KIF5C: variants seen among roughly 807,000 people sequenced by gnomAD.
KIF5C encodes kinesin heavy chain isoform 5C.
KIF5C carries 18 observed loss-of-function variants against 125.2 expected under a neutral mutation model. The observed-to-expected ratio is 0.14, with a 90% CI of 0.10 to 0.21. KIF5C has a LOEUF of 0.21. Among genes scored for constraint, KIF5C ranks in the 10% least tolerant of loss-of-function variants. The pLI is 1.00. For synonymous variants in KIF5C, 405 were observed against 434.0 expected (o/e 0.93, Z 0.83); for missense variants, 780 against 1,183.8 (o/e 0.66, Z 5.01).
At chr2:148,945,180 G>C (rs1574774454) in intron 7 of KIF5C, among the ~76,000 whole-genome samples, 1 of 151,968 alleles carries the variant, frequency 6.6e-6, no homozygotes, top group South Asian at 2.1e-4. Context: ...CTTGTGCTTT[G>C]GGTGTCATAT....
At chr2:149,017,019 CAG>C (rs1162379625) in intron 25 of KIF5C, among the ~76,000 whole-genome samples, 6 of 152,108 alleles carry the variant, frequency 3.9e-5, no homozygotes, top group Admixed American at 2.6e-4. Flanking sequence ...AAGATGATGA[CAG>C]AGACTGGGTG....
At chr2:148,890,002 T>G (rs547737446) in intron 1 of KIF5C, among the ~76,000 whole-genome samples, 6 of 152,220 alleles carry the variant, frequency 3.9e-5, no homozygotes, top group Non-Finnish European at 7.3e-5. Flanking sequence ...ACAAAATTTA[T>G]TTTGAGTACA....
chr2:148,877,432 T>C (rs1681223968), intron 1 of KIF5C: 1 of 152,252 alleles, frequency 6.6e-6, no homozygotes, highest in South Asian at 2.1e-4. Flanking sequence ...AGGAAGGAAA[T>C]TCTGCAGTTA....
chr2:149,015,431 A>G (rs4076261), intron 25 of KIF5C, among the ~76,000 whole-genome samples: 76,582 of 151,982 alleles, frequency 0.5, 21,476 homozygotes, highest in Non-Finnish European at 0.62. Context: ...ATTCTGAAGT[A>G]TCTCTTCCCT....
At chr2:148,977,475 C>G (rs1681108615) in intron 12 of KIF5C, among the ~76,000 whole-genome samples, 1 of 152,192 alleles carries the variant, frequency 6.6e-6, no homozygotes, top group African/African-American at 2.4e-5. Context: ...GGAACATAAA[C>G]ACAAAATCGT....
At chr2:148,883,496 G>T (rs1230534645) in intron 1 of KIF5C, 1 of 150,572 alleles carries the variant, frequency 6.6e-6, no homozygotes, top group Non-Finnish European at 1.5e-5. Context: ...ACGAGACTCT[G>T]TCTCAAAAAA....
Position 148,956,146 on chromosome 2 carries a change from C to T in KIF5C, c.968+5684C>T, listed in dbSNP as rs912514553. On this transcript the variant is annotated intron_variant, in intron 10 of 25. Transcript: ENST00000435030. The stretch of plus-strand genomic sequence containing the variant: ...ACTCAAGGAGGGCTTCGTTCAAGTG[C>T]CAACTTACGAGGGTGCCTTCAGTGT... Among the ~76,000 whole-genome samples, 2 of 152,124 alleles carry T rather than the reference C, an allele frequency of 1.3e-5. 1 individual carries two copies. Among genetic ancestry groups the T allele is most frequent in the African/African-American group, 4.8e-5 (2 of 41,430 alleles).
intron 13 of KIF5C, 108 bp from the exon 14 acceptor site, chr2:148,981,247 A>G: frequency 7.0e-7 from 1 of 1,431,740 alleles, no homozygotes. Context: ...AACTTTTTCA[A>G]CTTGTTTTCT....
intron 1 of KIF5C, among the ~76,000 whole-genome samples, chr2:148,883,328 T>A (rs549466644): frequency 6.6e-6 from 1 of 152,016 alleles, no homozygotes; most frequent in Non-Finnish European, 1.5e-5. Flanking sequence ...GGTGAAACCC[T>A]GTCTCTACTA....
chr2:148,914,824 C>T (rs1209947773), intron 1 of KIF5C, among the ~76,000 whole-genome samples: 4 of 152,222 alleles, frequency 2.6e-5, no homozygotes, highest in Non-Finnish European at 5.9e-5. Flanking sequence ...AGCGTCATCC[C>T]ATGTAGACTG....
At chr2:149,002,371 C>T (rs1056780502) in intron 21 of KIF5C, among the ~76,000 whole-genome samples, 19 of 152,142 alleles carry the variant, frequency 1.2e-4, no homozygotes, top group Non-Finnish European at 4.4e-5. Context: ...ACACTCACAC[C>T]GGGGCTCACA....
rs75552001 is a variant in KIF5C, at chr2:148,876,586, T to A, written c.126+843T>A. The stretch of plus-strand genomic sequence containing the variant: ...TTCGTGCGGCTCGGACCCCCCTCCC[T>A]CTCTATCTCCCTTCCCCACCTTTTC... On this transcript the variant is annotated intron_variant, in intron 1 of 25. Coordinates refer to ENST00000435030, the MANE Select transcript of KIF5C (RefSeq NM_004522.3). The surrounding 1 kb of genome is among the most constrained non-coding windows in gnomAD (Gnocchi z 4.7). Among the ~76,000 whole-genome samples the A allele has an allele frequency of 8.6e-3, 1,291 of 150,724 alleles. 20 individuals carry two copies. The highest frequency in any genetic ancestry group is 0.068 in the Middle Eastern group (20 of 294).
At position 148,965,297 on chromosome 2, in the gene KIF5C, G is replaced by A. The variant is rs946139504; in HGVS notation, c.1117+3178G>A. 5.9e-5 allele frequency among the ~76,000 whole-genome samples: 9 copies of A among 152,048 alleles called. No homozygotes were observed. The South Asian group carries it at 6.2e-4, about 11-fold the overall frequency. The stretch of plus-strand genomic sequence containing the variant: ...ATTGAAGGCATAGGTAGGTGTGAGG[G>A]CCCTTTGGACTACAGAGAAAGAAGA... On this transcript the variant is annotated intron_variant, in intron 11 of 25. Coordinates refer to ENST00000435030, the MANE Select transcript of KIF5C (RefSeq NM_004522.3).
At chr2:148,925,899 C>G (rs565184255) in intron 2 of KIF5C, among the ~76,000 whole-genome samples, 2 of 152,224 alleles carry the variant, frequency 1.3e-5, no homozygotes, top group Non-Finnish European at 2.9e-5. Context: ...GGCACAGGGA[C>G]TGCCCTTTAG....
At chr2:148,899,609 A>G (rs1680811748) in intron 1 of KIF5C, among the ~76,000 whole-genome samples, 1 of 149,448 alleles carries the variant, frequency 6.7e-6, no homozygotes, top group African/African-American at 2.5e-5. Flanking sequence ...AGGCTGAGGC[A>G]GGAGAATCGC....
chr2:148,913,712 G>A (rs577756529), intron 1 of KIF5C, among the ~76,000 whole-genome samples: 1 of 152,282 alleles, frequency 6.6e-6, no homozygotes, highest in African/African-American at 2.4e-5. Context: ...CAGTTTGACC[G>A]GATGGTACTG....
intron 12 of KIF5C, among the ~76,000 whole-genome samples, chr2:148,978,437 T>C (rs887332251): frequency 6.7e-6 from 1 of 149,368 alleles, no homozygotes; most frequent in Non-Finnish European, 1.5e-5. Context: ...TTTTCTCTGG[T>C]CTGAGAGGTT....
intron 11 of KIF5C, among the ~76,000 whole-genome samples, chr2:148,971,004 C>T (rs961564243): frequency 5.3e-5 from 8 of 152,118 alleles, no homozygotes; most frequent in Admixed American, 6.5e-5. Context: ...CTTTGTCATG[C>T]GTAAGCTGAA....
chr2:148,924,774 C>G lies in KIF5C; in HGVS notation c.217+2547C>G, dbSNP rs1681926913. On this transcript the variant is annotated intron_variant, in intron 2 of 25. Coordinates refer to ENST00000435030, the MANE Select transcript of KIF5C (RefSeq NM_004522.3). The surrounding 1 kb of genome is among the most constrained non-coding windows in gnomAD (Gnocchi z 4.0). ...ACCAATCATTTGCCTTCCAAATTAA[C>G]TAGATACAGATGATCCAGATGCTAG... 6.6e-6 allele frequency among the ~76,000 whole-genome samples: 1 copy of G among 152,224 alleles called. No homozygotes were observed. Among genetic ancestry groups the G allele is most frequent in the South Asian group, 2.1e-4 (1 of 4,834 alleles).
Sources: gnomAD v4.1 joint callset for allele counts (sites outside exome capture counted in the v4.1 genomes callset) on GRCh38, gnomAD v4.1.1 for gene constraint, Gnocchi (gnomAD v3.1) non-coding constraint, MANE v1.5 for transcripts, NCBI Gene and HGNC (gene_info 2026-07-23, HGNC 2026-07-21) for gene names.